The following DYNC1LI1 variants were observed in gnomAD, a reference collection of about 807,000 sequenced individuals.
DYNC1LI1 encodes the protein cytoplasmic dynein 1 light intermediate chain 1.
A neutral mutation model predicts 63.8 loss-of-function variants in DYNC1LI1; 19 were observed. That is an observed-to-expected ratio of 0.30 (90% CI 0.21 to 0.44). The LOEUF is 0.44. DYNC1LI1 is among the 20% of genes least tolerant of loss of function. The pLI is 1.00. For missense variants in DYNC1LI1, 565 were observed against 630.2 expected (o/e 0.90, Z 1.11); for synonymous variants, 225 against 232.3 (o/e 0.97, Z 0.28).
chr3:32,540,202 T>A (rs1697861366), intron 5 of DYNC1LI1, among the ~76,000 whole-genome samples: 1 of 152,116 alleles, frequency 6.6e-6, no homozygotes, highest in South Asian at 2.1e-4. Context: ...AACTTAATTT[T>A]ATTACAAAAT....
At position 32,537,911 on chromosome 3, in the gene DYNC1LI1, ATAATT is replaced by A. The variant is rs1559436083; in HGVS notation, c.739-812_739-808del. The stretch of plus-strand genomic sequence containing the variant: ...TAATTTATATATATAATATATATAT[ATAATT>A]TATATATATAATATATATATAATAT... On this transcript the variant is annotated intron_variant, in intron 5 of 12. Transcript: ENST00000273130. Among the ~76,000 whole-genome samples the A allele has an allele frequency of 2.5e-3, 201 of 78,942 alleles. 18 individuals are homozygous for A. The highest frequency in any genetic ancestry group is 0.011 in the African/African-American group (188 of 16,658). The allele number at this position is 78,942 out of a possible 152,430, so 51.8% of individuals were successfully genotyped here. A position where few individuals can be genotyped will look rare whatever the true frequency, so the allele number is the denominator to read the frequency against.
At chr3:32,559,058 CT>C (rs113088362) in intron 2 of DYNC1LI1, among the ~76,000 whole-genome samples, 8,755 of 141,498 alleles carry the variant, frequency 0.062, 271 homozygotes, top group South Asian at 0.081. Flanking sequence ...ATTACTACTA[CT>C]TTTTTTTTTT....
intron 2 of DYNC1LI1, among the ~76,000 whole-genome samples, chr3:32,551,667 G>C (rs537438534): frequency 3.9e-4 from 59 of 152,288 alleles, no homozygotes; most frequent in African/African-American, 1.4e-3. Context: ...TATGGAGGCA[G>C]AGACAACTAT....
At chr3:32,567,519 T>C (rs1169892579) in intron 2 of DYNC1LI1, among the ~76,000 whole-genome samples, 1 of 140,990 alleles carries the variant, frequency 7.1e-6, no homozygotes, top group Non-Finnish European at 1.5e-5. Context: ...TCAGATTTGG[T>C]TTTTTATTTT....
intron 2 of DYNC1LI1, among the ~76,000 whole-genome samples, chr3:32,565,911 G>T (rs1363894315): frequency 6.6e-6 from 1 of 152,144 alleles, no homozygotes. Context: ...CCGGCCTCAG[G>T]CTGCAAAATT....
chr3:32,566,736 C>T (rs1480352938), intron 2 of DYNC1LI1: 2 of 435,806 alleles, frequency 4.6e-6, no homozygotes, highest in Admixed American at 5.1e-5. Flanking sequence ...GAAACTCCAT[C>T]TCAAAAACAA....
At chr3:32,564,269 G>A (rs1227755844) in intron 2 of DYNC1LI1, among the ~76,000 whole-genome samples, 1 of 152,204 alleles carries the variant, frequency 6.6e-6, no homozygotes, top group Non-Finnish European at 1.5e-5. Flanking sequence ...AGTTATGATC[G>A]TGCCAGTGTA....
intron 5 of DYNC1LI1, among the ~76,000 whole-genome samples, chr3:32,537,971 T>TATA (rs59883447): frequency 0.19 from 6,677 of 34,780 alleles, 1,428 homozygotes; most frequent in Non-Finnish European, 0.23. Flanking sequence ...AATATATATA[T>TATA]ATTTATATAT....
intron 2 of DYNC1LI1, among the ~76,000 whole-genome samples, chr3:32,556,864 A>G (rs955680240): frequency 6.6e-6 from 1 of 152,112 alleles, no homozygotes; most frequent in African/African-American, 2.4e-5. Context: ...TTCCAACCAC[A>G]ATCTCTATTT....
chr3:32,534,332 A>AT (rs1697745701), intron 7 of DYNC1LI1, among the ~76,000 whole-genome samples, 179 bp downstream of exon 7: 1 of 152,220 alleles, frequency 6.6e-6, no homozygotes, highest in Non-Finnish European at 1.5e-5. Context: ...AGTAAATCTA[A>AT]AAGGCAATAA....
chr3:32,533,596 TG>T (rs373476746), intron 7 of DYNC1LI1, among the ~76,000 whole-genome samples: 4,531 of 150,864 alleles, frequency 0.03, 243 homozygotes, highest in African/African-American at 0.1. Flanking sequence ...GACAGAGTCT[TG>T]CTTTGTTGCC....
chr3:32,553,742 C>T (rs1464240651), intron 2 of DYNC1LI1, among the ~76,000 whole-genome samples: 4 of 152,176 alleles, frequency 2.6e-5, no homozygotes, highest in African/African-American at 4.8e-5. Context: ...CTCTGAGGGG[C>T]GTGATTATCT....
At chr3:32,557,315 A>C (rs963974757) in intron 2 of DYNC1LI1, among the ~76,000 whole-genome samples, 2 of 152,120 alleles carry the variant, frequency 1.3e-5, no homozygotes, top group African/African-American at 4.8e-5. Flanking sequence ...CAGGAGTTTG[A>C]GACCAGCCTG....
At chr3:32,561,173 C>T (rs1005889844) in intron 2 of DYNC1LI1, among the ~76,000 whole-genome samples, 5 of 151,822 alleles carry the variant, frequency 3.3e-5, no homozygotes, top group African/African-American at 1.2e-4. Flanking sequence ...GTCAAAGTCA[C>T]ACTAAAGCAA....
chr3:32,550,531 C>G (rs567810768), intron 2 of DYNC1LI1, among the ~76,000 whole-genome samples: 45 of 152,284 alleles, frequency 3.0e-4, no homozygotes, highest in Non-Finnish European at 5.9e-4. Context: ...TTTCCTTTTT[C>G]TAAAGACTGA....
chr3:32,570,527 C>G, intron 1 of DYNC1LI1, 98 bp downstream of exon 1: 2 of 1,487,360 alleles, frequency 1.3e-6, no homozygotes, highest in Non-Finnish European at 1.8e-6. Flanking sequence ...AACGCAGTGG[C>G]CGGGCCCGGC....
intron 7 of DYNC1LI1, 87 bp downstream of exon 7, chr3:32,534,424 G>T: frequency 1.0e-6 from 1 of 959,362 alleles, no homozygotes; most frequent in Non-Finnish European, 1.6e-6. Flanking sequence ...AAGGTCTATT[G>T]GTCCCATCTC....
At chr3:32,550,878 A>G (rs929521528) in intron 2 of DYNC1LI1, among the ~76,000 whole-genome samples, 4 of 152,168 alleles carry the variant, frequency 2.6e-5, no homozygotes, top group African/African-American at 7.2e-5. Flanking sequence ...CTGCAAACCC[A>G]GAACTTTGGG....
At chr3:32,545,336 A>G (rs980688666) in intron 3 of DYNC1LI1, 4 of 557,034 alleles carry the variant, frequency 7.2e-6, no homozygotes, top group Non-Finnish European at 1.3e-5. Context: ...AAGGCCTAAA[A>G]TGACTTAACT....
Sources: gnomAD v4.1 joint callset for allele counts (sites outside exome capture counted in the v4.1 genomes callset) on GRCh38, gnomAD v4.1.1 for gene constraint, MANE v1.5 for transcripts, NCBI Gene and HGNC (gene_info 2026-07-23, HGNC 2026-07-21) for gene names.